RUBCN: variants seen among roughly 807,000 people sequenced by gnomAD.
RUBCN encodes rubicon autophagy regulator.
Under a neutral mutation model 113.2 loss-of-function variants are expected in RUBCN, and 74 were observed. The ratio of observed to expected loss-of-function variants is 0.65; its 90% confidence interval spans 0.54 to 0.79. The LOEUF is 0.79. Among genes scored for constraint, RUBCN ranks in the 30% least tolerant of loss-of-function variants. The pLI is 0.00. For missense variants in RUBCN, 1,109 were observed against 1,251.7 expected (o/e 0.89, Z 1.72); for synonymous variants, 480 against 490.0 (o/e 0.98, Z 0.27).
upstream of RUBCN, among the ~76,000 whole-genome samples, chr3:197,740,329 A>C (rs5028503): frequency 0.84 from 126,109 of 150,996 alleles, 53,128 homozygotes; most frequent in East Asian, 0.99. Context: ...ATTAGCTGGG[A>C]ATGGTGGCAG....
chr3:197,746,175 A>C (rs528046089), intron 1 of RUBCN, among the ~76,000 whole-genome samples: 2 of 152,388 alleles, frequency 1.3e-5, no homozygotes, highest in South Asian at 4.1e-4. Flanking sequence ...ATGACTAAGT[A>C]TAAAGTTTAC....
chr3:197,712,741 G>A (rs1309884678), intron 2 of RUBCN, among the ~76,000 whole-genome samples: 3 of 152,102 alleles, frequency 2.0e-5, no homozygotes, highest in East Asian at 3.9e-4. Context: ...TAAAAAAGGA[G>A]AGAGAAAAGA....
upstream of RUBCN, chr3:197,736,987 C>A: frequency 3.2e-6 from 4 of 1,240,612 alleles, no homozygotes; most frequent in Non-Finnish European, 4.1e-6. Context: ...CCTCCAATCC[C>A]AGGCCGCGCT....
At chr3:197,746,000 C>T (rs1441395916) in intron 1 of RUBCN, among the ~76,000 whole-genome samples, 1 of 152,142 alleles carries the variant, frequency 6.6e-6, no homozygotes, top group Non-Finnish European at 1.5e-5. Context: ...CACTGCACTC[C>T]AGCCTGGGCA....
At chr3:197,709,610 C>A (rs1460863120) in intron 2 of RUBCN, among the ~76,000 whole-genome samples, 1 of 151,960 alleles carries the variant, frequency 6.6e-6, no homozygotes, top group East Asian at 1.9e-4. Context: ...AAACTCCCCA[C>A]CTCAGGTGAT....
At chr3:197,707,210 T>C (rs1724408614) in intron 2 of RUBCN, among the ~76,000 whole-genome samples, 1 of 151,976 alleles carries the variant, frequency 6.6e-6, no homozygotes, top group South Asian at 2.1e-4. Context: ...TGGGCGCCTG[T>C]AGTCCCAGCT....
intron 11 of RUBCN, among the ~76,000 whole-genome samples, chr3:197,692,526 G>A (rs753031797): frequency 2.6e-5 from 4 of 151,744 alleles, no homozygotes; most frequent in African/African-American, 7.3e-5. Context: ...CATCTGAAGC[G>A]GAATTAATTT....
At chr3:197,737,909 G>A (rs1329555386), upstream of RUBCN, among the ~76,000 whole-genome samples, 5 of 152,128 alleles carry the variant, frequency 3.3e-5, no homozygotes, top group Non-Finnish European at 7.4e-5. Context: ...CTTTTTCAAA[G>A]ACGGGGTCTC....
chr3:197,694,634 G>T, intron 9 of RUBCN, 49 bp from the exon 10 acceptor site: 6 of 1,483,114 alleles, frequency 4.0e-6, no homozygotes, highest in Non-Finnish European at 5.7e-6. Context: ...AGTATTGAAT[G>T]ACATACTCAT....
At chr3:197,699,184 A>G (rs1189401050) in intron 7 of RUBCN, 33 of 1,548,566 alleles carry the variant, frequency 2.1e-5, no homozygotes, top group Non-Finnish European at 2.9e-5. Flanking sequence ...CCGATTCCCA[A>G]ACCTGCAATG....
In RUBCN at chr3:197,670,090, T is replaced by C. The variant is rs1386563244; in HGVS notation, c.*4928A>G. Among the ~76,000 whole-genome samples the C allele has an allele frequency of 6.6e-6, 1 of 152,208 alleles. No homozygotes were observed. Among genetic ancestry groups the C allele is most frequent in the Non-Finnish European group, 1.5e-5 (1 of 68,028 alleles). Reference sequence around the variant, plus strand: ...TTTTAGTAGAGACAAGGTTTCACCATGTTGGCCAGGATGGTCCCAATCTCT... The same window carrying C: ...TTTTAGTAGAGACAAGGTTTCACCACGTTGGCCAGGATGGTCCCAATCTCT... On this transcript the variant is annotated 3_prime_UTR_variant, in exon 20 of 20. Transcript: ENST00000296343.
chr3:197,697,957 G>C (rs997352310), intron 7 of RUBCN, among the ~76,000 whole-genome samples: 2 of 152,152 alleles, frequency 1.3e-5, no homozygotes, highest in African/African-American at 4.8e-5. Flanking sequence ...TGGTAGCCCT[G>C]GCTGTGGGCT....
chr3:197,681,013 G>T lies in RUBCN; in HGVS notation c.2430+116C>A. 1.5e-6 allele frequency: 1 copy of T among 646,444 alleles called. No individual in the cohort carries two copies. Among genetic ancestry groups the T allele is most frequent in the Non-Finnish European group, 2.8e-6 (1 of 355,310 alleles). 40.0% of individuals were successfully genotyped at this position (646,444 alleles called of 1,614,324 possible). A position where few individuals can be genotyped will look rare whatever the true frequency, so the allele number is the denominator to read the frequency against. ...ACAAGGAGAGGAGACGAGGGGAGGG[G>T]ATGGGGGGAGGGGACAAGAGGAGGG... On this transcript the variant is annotated intron_variant, in intron 16 of 19. Transcript: ENST00000296343. The surrounding 1 kb of genome is among the most constrained non-coding windows in gnomAD (Gnocchi z 5.5).
At chr3:197,741,778 G>A (rs973425220), upstream of RUBCN, among the ~76,000 whole-genome samples, 1 of 150,996 alleles carries the variant, frequency 6.6e-6, no homozygotes, top group Non-Finnish European at 1.5e-5. Flanking sequence ...AGCTGAGATC[G>A]CACCACTGCA....
At chr3:197,729,934 G>A (rs1396569033) in intron 1 of RUBCN, among the ~76,000 whole-genome samples, 1 of 151,492 alleles carries the variant, frequency 6.6e-6, no homozygotes, top group East Asian at 1.9e-4. Context: ...AGGGTGAGCT[G>A]GGATGACAGG....
intron 11 of RUBCN, among the ~76,000 whole-genome samples, chr3:197,692,930 C>T (rs973856258): frequency 6.6e-6 from 1 of 152,226 alleles, no homozygotes; most frequent in African/African-American, 2.4e-5. Context: ...ATTATAGATA[C>T]AGTTCACCTC....
chr3:197,678,025 G>A (rs979665275), intron 16 of RUBCN, among the ~76,000 whole-genome samples: 1 of 131,836 alleles, frequency 7.6e-6, no homozygotes, highest in Non-Finnish European at 1.6e-5. Context: ...GCTCTAACTC[G>A]ACAACTGGTT....
At chr3:197,732,620 G>A (rs1258391679) in intron 1 of RUBCN, among the ~76,000 whole-genome samples, 1 of 152,230 alleles carries the variant, frequency 6.6e-6, no homozygotes, top group Non-Finnish European at 1.5e-5. Context: ...GTGTAGTGTA[G>A]TAGTTTTACC....
intron 1 of RUBCN, among the ~76,000 whole-genome samples, chr3:197,734,042 G>A (rs1199612737): frequency 6.6e-6 from 1 of 152,082 alleles, no homozygotes; most frequent in Admixed American, 6.6e-5. Context: ...GATCCTCTGA[G>A]GTCAGGAGTT....
Sources: allele counts gnomAD v4.1 joint callset (sites outside exome capture counted in the v4.1 genomes callset), GRCh38; gene constraint gnomAD v4.1.1; non-coding constraint Gnocchi (gnomAD v3.1); transcripts MANE v1.5; gene names NCBI Gene and HGNC (gene_info 2026-07-23, HGNC 2026-07-21).